PRKCE: variants seen among roughly 807,000 people sequenced by gnomAD.
PRKCE encodes protein kinase C epsilon type.
PRKCE carries 16 observed loss-of-function variants against 85.4 expected under a neutral mutation model. That is an observed-to-expected ratio of 0.19 (90% CI 0.13 to 0.28). PRKCE has a LOEUF of 0.28. Ranked by LOEUF, PRKCE falls within the 10% of genes least tolerant of loss-of-function variation. The pLI is 1.00. For synonymous variants in PRKCE, 388 were observed against 371.5 expected (o/e 1.04, Z -0.51); for missense variants, 573 against 975.2 (o/e 0.59, Z 5.49).
At chr2:45,952,189 G>T (rs1005068787) in intron 2 of PRKCE, among the ~76,000 whole-genome samples, 2 of 152,200 alleles carry the variant, frequency 1.3e-5, no homozygotes, top group Non-Finnish European at 2.9e-5. Flanking sequence ...CACCTAGTCT[G>T]ATTTTTCCAT....
At chr2:46,120,878 G>C (rs982234289) in intron 11 of PRKCE, among the ~76,000 whole-genome samples, 4 of 152,136 alleles carry the variant, frequency 2.6e-5, no homozygotes, top group Non-Finnish European at 5.9e-5. Flanking sequence ...AGAATAGTCT[G>C]AATAGAATCC....
At chr2:45,974,405 A>G (rs1702302430) in intron 2 of PRKCE, among the ~76,000 whole-genome samples, 1 of 152,168 alleles carries the variant, frequency 6.6e-6, no homozygotes, top group South Asian at 2.1e-4. Context: ...TTTTGAAACA[A>G]TAAGCACCAA....
intron 1 of PRKCE, among the ~76,000 whole-genome samples, chr2:45,708,373 T>C (rs1252646050): frequency 6.6e-6 from 1 of 152,214 alleles, no homozygotes; most frequent in African/African-American, 2.4e-5. Flanking sequence ...AATCTCATCT[T>C]GAATTCCCAC....
In PRKCE at chr2:46,148,832, C is replaced by T. The variant is rs566420321; in HGVS notation, c.1732-2209C>T. On this transcript the variant is annotated intron_variant, in intron 12 of 14. Transcript: ENST00000306156. ...GAACAGGCAGGGGTCTTAAGTTGGGCGCTGTGTCTTTTGAGGTTGAGGGAG... is the reference window on the plus strand; with the variant it reads ...GAACAGGCAGGGGTCTTAAGTTGGGTGCTGTGTCTTTTGAGGTTGAGGGAG... 9.2e-5 allele frequency among the ~76,000 whole-genome samples: 14 copies of T among 152,220 alleles called. No homozygotes were observed. In the South Asian group the frequency reaches 1.0e-3, roughly 11 times the overall value.
At chr2:45,988,741 C>T (rs1703552183) in intron 6 of PRKCE, among the ~76,000 whole-genome samples, 1 of 152,232 alleles carries the variant, frequency 6.6e-6, no homozygotes, top group African/African-American at 2.4e-5. Context: ...CCCTCAACCA[C>T]TATTAAACAG....
At chr2:45,784,358 A>G (rs1462134388) in intron 1 of PRKCE, among the ~76,000 whole-genome samples, 1 of 152,250 alleles carries the variant, frequency 6.6e-6, no homozygotes, top group Non-Finnish European at 1.5e-5. Context: ...AACCTGCCAA[A>G]AAAGGAAGAA....
At chr2:46,136,893 C>G (rs1415745691) in intron 11 of PRKCE, among the ~76,000 whole-genome samples, 1 of 152,224 alleles carries the variant, frequency 6.6e-6, no homozygotes, top group African/African-American at 2.4e-5. Context: ...TCCCTTTCCC[C>G]TAAGTTACAG....
chr2:45,706,973 G>A lies in PRKCE; in HGVS notation c.348+54525G>A, dbSNP rs530405869. Among the ~76,000 whole-genome samples, 149 of 152,286 alleles carry A rather than the reference G, an allele frequency of 9.8e-4. 1 individual carries two copies. In the South Asian group the frequency reaches 0.029, roughly 30 times the overall value. On this transcript the variant is annotated intron_variant, in intron 1 of 14. Coordinates refer to ENST00000306156, the MANE Select transcript of PRKCE (RefSeq NM_005400.3). Reference sequence around the variant, plus strand: ...CATGAACTGGTTTTGCTTTTCACAGGTCAGTGGAAATTGAGTCGATTTTCC... The same window carrying A: ...CATGAACTGGTTTTGCTTTTCACAGATCAGTGGAAATTGAGTCGATTTTCC...
Position 46,050,317 on chromosome 2 carries a change from G to A in PRKCE, c.1438-35891G>A, listed in dbSNP as rs57231023. 4.4e-3 allele frequency among the ~76,000 whole-genome samples: 676 copies of A among 152,354 alleles called. 4 individuals are homozygous for A. The highest frequency in any genetic ancestry group is 0.015 in the African/African-American group (617 of 41,592). On this transcript the variant is annotated intron_variant, in intron 10 of 14. Transcript: ENST00000306156. ...CAGGCTTCCTTCTAATCCCTGAGCC[G>A]TGAGAAGCTGTCAGGGTTTATTTGC...
chr2:45,951,953 C>T (rs530089692), intron 2 of PRKCE, among the ~76,000 whole-genome samples: 5 of 152,240 alleles, frequency 3.3e-5, no homozygotes, highest in Non-Finnish European at 7.3e-5. Flanking sequence ...ATGCCTCAGC[C>T]TCCTGAGTAG....
intron 10 of PRKCE, among the ~76,000 whole-genome samples, chr2:46,066,856 C>G (rs188542757): frequency 4.6e-5 from 7 of 152,230 alleles, no homozygotes; most frequent in African/African-American, 1.4e-4. Flanking sequence ...ACTAAGTTGG[C>G]AGAGTTTTAT....
At chr2:45,852,490 C>T (rs1692350769) in intron 2 of PRKCE, among the ~76,000 whole-genome samples, 1 of 152,180 alleles carries the variant, frequency 6.6e-6, no homozygotes, top group African/African-American at 2.4e-5. Flanking sequence ...TGCGCAGGCA[C>T]CATGCTAAGA....
intron 10 of PRKCE, among the ~76,000 whole-genome samples, chr2:46,082,127 G>T (rs778865041): frequency 1.3e-5 from 2 of 151,996 alleles, no homozygotes; most frequent in Admixed American, 1.3e-4. Context: ...AGGAAGCGGG[G>T]TGGGTTACAA....
At chr2:46,130,438 C>T (rs1189222356) in intron 11 of PRKCE, among the ~76,000 whole-genome samples, 2 of 151,904 alleles carry the variant, frequency 1.3e-5, no homozygotes, top group African/African-American at 2.4e-5. Context: ...TATATAGAAA[C>T]GTTGAGAGTT....
intron 2 of PRKCE, among the ~76,000 whole-genome samples, chr2:45,889,088 A>G (rs939617060): frequency 6.6e-6 from 1 of 152,238 alleles, no homozygotes; most frequent in Admixed American, 6.5e-5. Context: ...TTGCTCTGTT[A>G]TAGAAGCAGA....
intron 14 of PRKCE, among the ~76,000 whole-genome samples, chr2:46,162,120 G>A (rs181145446): frequency 2.0e-5 from 3 of 152,264 alleles, no homozygotes; most frequent in Admixed American, 2.0e-4. Context: ...GGCCAGAAGT[G>A]AAGGTGTTCC....
At chr2:45,716,330 A>C (rs529079309) in intron 1 of PRKCE, among the ~76,000 whole-genome samples, 2 of 152,310 alleles carry the variant, frequency 1.3e-5, no homozygotes, top group Admixed American at 1.3e-4. Context: ...TAGCCTGGCC[A>C]ACATGGTGAA....
intron 1 of PRKCE, among the ~76,000 whole-genome samples, chr2:45,724,270 A>G (rs1421869634): frequency 6.6e-6 from 1 of 152,170 alleles, no homozygotes; most frequent in Admixed American, 6.5e-5. Flanking sequence ...TGATGTTACT[A>G]TTATAACTGT....
intron 1 of PRKCE, among the ~76,000 whole-genome samples, chr2:45,678,781 T>C (rs554118077): frequency 6.6e-6 from 1 of 152,284 alleles, no homozygotes; most frequent in African/African-American, 2.4e-5. Flanking sequence ...TTAGAAGTCA[T>C]GGGAAGAGGC....
Sources: allele counts gnomAD v4.1 joint callset (sites outside exome capture counted in the v4.1 genomes callset), GRCh38; gene constraint gnomAD v4.1.1; transcripts MANE v1.5; gene names NCBI Gene and HGNC (gene_info 2026-07-23, HGNC 2026-07-21).